POT1: variants seen among roughly 807,000 people sequenced by gnomAD.
The protein encoded by POT1 is protection of telomeres 1.
POT1 carries 47 observed loss-of-function variants against 78.5 expected under a neutral mutation model. The observed-to-expected ratio is 0.60, with a 90% CI of 0.47 to 0.76. POT1 has a LOEUF of 0.76. Among genes scored for constraint, POT1 ranks in the 30% least tolerant of loss-of-function variants. POT1 has a pLI of 0.00. For synonymous variants in POT1, 259 were observed against 260.7 expected (o/e 0.99, Z 0.06); for missense variants, 646 against 749.9 (o/e 0.86, Z 1.62).
chr7:124,923,170 A>T (rs1481647002), intron 2 of POT1, among the ~76,000 whole-genome samples: 1 of 151,780 alleles, frequency 6.6e-6, no homozygotes, highest in Non-Finnish European at 1.5e-5. Context: ...TATATCAATT[A>T]AAAAAAATTC....
At chr7:124,926,013 A>C (rs1797263621) in intron 2 of POT1, among the ~76,000 whole-genome samples, 1 of 152,110 alleles carries the variant, frequency 6.6e-6, no homozygotes, top group South Asian at 2.1e-4. Flanking sequence ...ATAGAAGAAA[A>C]CCTAGGAAAA....
At chr7:124,879,693 G>C (rs1457760516) in intron 6 of POT1, among the ~76,000 whole-genome samples, 1 of 152,044 alleles carries the variant, frequency 6.6e-6, no homozygotes, top group Non-Finnish European at 1.5e-5. Context: ...AAAAAGTAAA[G>C]AAATTAGGAT....
chr7:124,838,331 A>T (rs1156853567), intron 14 of POT1, among the ~76,000 whole-genome samples: 3 of 150,366 alleles, frequency 2.0e-5, no homozygotes, highest in East Asian at 3.9e-4. Context: ...AAGGTTAATT[A>T]AAAAAAAAAT....
intron 14 of POT1, among the ~76,000 whole-genome samples, chr7:124,840,451 C>T (rs1330137671): frequency 6.6e-6 from 1 of 151,504 alleles, no homozygotes; most frequent in Non-Finnish European, 1.5e-5. Flanking sequence ...ATTCACAGTA[C>T]ATATTTTAGA....
At chr7:124,875,815 A>T (rs1260616275) in intron 6 of POT1, among the ~76,000 whole-genome samples, 1 of 152,230 alleles carries the variant, frequency 6.6e-6, no homozygotes, top group Non-Finnish European at 1.5e-5. Context: ...AAATGATTTC[A>T]CCATACGTTA....
In POT1 at chr7:124,877,840, CAAAAAAAAAAA is replaced by C. The variant is rs201285982; in HGVS notation, c.125-6810_125-6800del. ...TGGGCGACAGAGAGAGATTCTGTCT[CAAAAAAAAAAA>C]AAAAAAAAAAAAAAAAAAGAGTGAT... On this transcript the variant is annotated intron_variant, in intron 6 of 18. Coordinates refer to ENST00000357628, the MANE Select transcript of POT1 (RefSeq NM_015450.3). Among the ~76,000 whole-genome samples the C allele has an allele frequency of 5.1e-3, 411 of 80,558 alleles. 4 individuals are homozygous for C. Among genetic ancestry groups the C allele is most frequent in the Non-Finnish European group, 8.3e-3 (306 of 36,912 alleles). 52.8% of individuals were successfully genotyped at this position (80,558 alleles called of 152,430 possible).
chr7:124,927,235 G>A lies in POT1; in HGVS notation c.-227+1580C>T, dbSNP rs1201860501. ...GTTTAAGCAAAACTAATCTTTCCAA[G>A]TGATCAATAATTTCTTGGTTATTAG... On this transcript the variant is annotated intron_variant, in intron 2 of 18. Coordinates refer to ENST00000357628, the MANE Select transcript of POT1 (RefSeq NM_015450.3). 7.9e-5 allele frequency among the ~76,000 whole-genome samples: 12 copies of A among 152,104 alleles called. No individual in the cohort carries two copies. In the East Asian group the frequency reaches 1.9e-3, roughly 24 times the overall value.
chr7:124,869,897 T>C (rs1244026984), intron 7 of POT1, among the ~76,000 whole-genome samples: 1 of 152,146 alleles, frequency 6.6e-6, no homozygotes, highest in Admixed American at 6.6e-5. Flanking sequence ...ATATTTCTAT[T>C]TCTTTTTATC....
chr7:124,835,820 A>G (rs547516902), intron 14 of POT1, among the ~76,000 whole-genome samples: 2 of 152,322 alleles, frequency 1.3e-5, no homozygotes, highest in South Asian at 2.1e-4. Flanking sequence ...TTTCAGGTCA[A>G]TATTTCATTT....
At chr7:124,914,588 T>A (rs1387274404) in intron 3 of POT1, among the ~76,000 whole-genome samples, 1 of 152,184 alleles carries the variant, frequency 6.6e-6, no homozygotes, top group East Asian at 1.9e-4. Flanking sequence ...ATTCAACCAA[T>A]TCAGACTGAA....
chr7:124,875,664 C>A (rs934146881), intron 6 of POT1, among the ~76,000 whole-genome samples: 1 of 152,030 alleles, frequency 6.6e-6, no homozygotes, highest in Non-Finnish European at 1.5e-5. Context: ...CTATTTATCT[C>A]CAGATGATAT....
At chr7:124,876,508 T>C (rs1416019791) in intron 6 of POT1, among the ~76,000 whole-genome samples, 1 of 152,154 alleles carries the variant, frequency 6.6e-6, no homozygotes, top group East Asian at 1.9e-4. Context: ...GAATTGGGCC[T>C]TCTGAACTCT....
chr7:124,867,809 A>G (rs12540168), intron 7 of POT1, among the ~76,000 whole-genome samples: 91,199 of 151,630 alleles, frequency 0.6, 27,555 homozygotes, highest in African/African-American at 0.65. Context: ...CACCACACCT[A>G]GCTAATATTT....
chr7:124,841,192 C>T lies in POT1; in HGVS notation c.1164-14G>A, dbSNP rs773048213. The T allele has an allele frequency of 1.3e-6, 2 of 1,596,794 alleles. No homozygotes were observed. Among genetic ancestry groups the T allele is most frequent in the Non-Finnish European group, 1.7e-6 (2 of 1,168,182 alleles). On this transcript the variant is annotated splice_polypyrimidine_tract_variant and intron_variant, in intron 13 of 18. Coordinates refer to ENST00000357628, the MANE Select transcript of POT1 (RefSeq NM_015450.3). ...GGAACTTCTTGCCTAAAATTATTGG[C>T]AATGAAATGATAGAAATCGATTTTG...
intron 3 of POT1, among the ~76,000 whole-genome samples, chr7:124,902,672 A>C (rs1796651626): frequency 6.6e-6 from 1 of 152,210 alleles, no homozygotes; most frequent in East Asian, 1.9e-4. Flanking sequence ...TTCACATATA[A>C]CAATATTAAC....
chr7:124,870,519 A>G (rs1052785872), intron 7 of POT1, among the ~76,000 whole-genome samples: 23 of 152,260 alleles, frequency 1.5e-4, no homozygotes, highest in African/African-American at 5.1e-4. Flanking sequence ...ATGGGAAAGA[A>G]TAATATAATC....
chr7:124,854,356 G>C (rs10156168), intron 9 of POT1, among the ~76,000 whole-genome samples: 1 of 151,554 alleles, frequency 6.6e-6, no homozygotes, highest in Non-Finnish European at 1.5e-5. Flanking sequence ...GGGTTCACTC[G>C]CATACTGGCA....
In POT1 at chr7:124,880,425, TTTAATG is replaced by T. The variant is rs1216049699; in HGVS notation, c.125-9390_125-9385del. On this transcript the variant is annotated intron_variant, in intron 6 of 18. Transcript: ENST00000357628. ...GCATAAATAATACTAAATAGTTTAA[TTTAATG>T]TTAATGTTAGTTTAACTTAATGTTT... is the stretch of plus-strand genomic sequence containing the variant. Among the ~76,000 whole-genome samples the T allele has an allele frequency of 3.3e-5, 5 of 152,234 alleles. No homozygotes were observed. In the South Asian group the frequency reaches 8.3e-4, roughly 25 times the overall value.
At chr7:124,869,403 G>A (rs924257023) in intron 7 of POT1, among the ~76,000 whole-genome samples, 12 of 151,974 alleles carry the variant, frequency 7.9e-5, no homozygotes, top group South Asian at 2.1e-4. Flanking sequence ...TGAATGATGA[G>A]ATGTTTATCT....
Sources: allele counts gnomAD v4.1 joint callset (sites outside exome capture counted in the v4.1 genomes callset), GRCh38; gene constraint gnomAD v4.1.1; transcripts MANE v1.5; gene names NCBI Gene and HGNC (gene_info 2026-07-23, HGNC 2026-07-21).